DPP10: variants seen among roughly 807,000 people sequenced by gnomAD.
The protein encoded by DPP10 is dipeptidyl peptidase like 10.
Under a neutral mutation model 120.9 loss-of-function variants are expected in DPP10, and 33 were observed. That is an observed-to-expected ratio of 0.27 (90% CI 0.21 to 0.37). DPP10 has a LOEUF of 0.37. DPP10 is among the 10% of genes least tolerant of loss of function. The probability of loss-of-function intolerance (pLI) is 1.00; values close to 1 mark genes in which losing one functional copy is unlikely to be tolerated. For synonymous variants in DPP10, 337 were observed against 326.1 expected, an observed-to-expected ratio of 1.03 and a Z score of -0.36; for missense variants, 816 against 942.8, an observed-to-expected ratio of 0.87 and a Z score of 1.76.
chr2:114,532,296 T>TATAC lies in DPP10; in HGVS notation c.60+89459_60+89460insTACA, dbSNP rs1342125338. On this transcript the variant is annotated intron_variant, in intron 1 of 25. Transcript: ENST00000410059. ...ATATATATATATATATATATATATA[T>TATAC]ACACACACACACACACACACAGATA... is the stretch of plus-strand genomic sequence containing the variant. Among the ~76,000 whole-genome samples the TATAC allele has an allele frequency of 1.5e-3, 110 of 74,640 alleles. 1 individual carries two copies. Among genetic ancestry groups the TATAC allele is most frequent in the African/African-American group, 4.9e-3 (74 of 15,134 alleles). 49.0% of individuals were successfully genotyped at this position (74,640 alleles called of 152,430 possible).
In DPP10 at chr2:114,855,115, G is replaced by T. The variant is rs181590664; in HGVS notation, c.60+412277G>T. 8.1e-4 allele frequency among the ~76,000 whole-genome samples: 124 copies of T among 152,204 alleles called. No homozygotes were observed. In the East Asian group the frequency reaches 0.017, roughly 21 times the overall value. ...ATTTGGGTTCAAAAGAGGGAATGGT[G>T]GGGAGAAAAAGGGAAGGGAAGGAAA... is the stretch of plus-strand genomic sequence containing the variant. On this transcript the variant is annotated intron_variant, in intron 1 of 25. Coordinates refer to ENST00000410059, the MANE Select transcript of DPP10 (RefSeq NM_020868.6).
chr2:115,365,647 T>C (rs990738907), intron 3 of DPP10, among the ~76,000 whole-genome samples: 1 of 152,082 alleles, frequency 6.6e-6, no homozygotes, highest in Non-Finnish European at 1.5e-5. Context: ...CAGAAAGCGT[T>C]TTAGAGAGTC....
chr2:115,547,915 T>A (rs931908207), intron 5 of DPP10, among the ~76,000 whole-genome samples: 2 of 152,164 alleles, frequency 1.3e-5, no homozygotes, highest in African/African-American at 4.8e-5. Context: ...TCAAAATCGA[T>A]TTTGTTTGTG....
intron 8 of DPP10, among the ~76,000 whole-genome samples, chr2:115,734,767 A>G (rs948122884): frequency 6.6e-6 from 1 of 151,372 alleles, no homozygotes; most frequent in Admixed American, 6.6e-5. Flanking sequence ...TGAATGTGTC[A>G]TGTGTATAAC....
chr2:114,609,853 A>T (rs1380654317), intron 1 of DPP10, among the ~76,000 whole-genome samples: 2 of 152,180 alleles, frequency 1.3e-5, no homozygotes, highest in Non-Finnish European at 2.9e-5. Flanking sequence ...ACCAGAGGAC[A>T]GTGGGAACTA....
chr2:114,529,956 C>G lies in DPP10; in HGVS notation c.60+87118C>G, dbSNP rs116471486. Among the ~76,000 whole-genome samples, 565 of 152,186 alleles carry G rather than the reference C, an allele frequency of 3.7e-3. 6 individuals are homozygous for G. The highest frequency in any genetic ancestry group is 6.4e-3 in the Non-Finnish European group (432 of 67,980). On this transcript the variant is annotated intron_variant, in intron 1 of 25. Transcript: ENST00000410059. ...AACATGTGGTATTTGGTTTTCTGTT[C>G]CTTTAATTTGCTAAGGATGATGGCC...
intron 1 of DPP10, among the ~76,000 whole-genome samples, chr2:114,714,137 G>C (rs1467608305): frequency 1.3e-5 from 2 of 151,962 alleles, no homozygotes; most frequent in East Asian, 1.9e-4. Flanking sequence ...GAGTGTGTCT[G>C]TGTGTGTTGG....
intron 1 of DPP10, among the ~76,000 whole-genome samples, chr2:114,632,531 G>A (rs1695008144): frequency 1.9e-5 from 1 of 52,116 alleles, no homozygotes; most frequent in Non-Finnish European, 3.4e-5. Flanking sequence ...TTTTTTTTTG[G>A]AGAAGGAGTC....
intron 5 of DPP10, among the ~76,000 whole-genome samples, chr2:115,638,177 A>T (rs2086506714): frequency 6.6e-6 from 1 of 152,136 alleles, no homozygotes; most frequent in Non-Finnish European, 1.5e-5. Context: ...ATATCATGGG[A>T]CTTTGAAATC....
At chr2:115,423,988 A>T (rs996569477) in intron 3 of DPP10, among the ~76,000 whole-genome samples, 1 of 152,138 alleles carries the variant, frequency 6.6e-6, no homozygotes, top group Non-Finnish European at 1.5e-5. Flanking sequence ...TCCAGGGAAG[A>T]TTGTCTTCAG....
chr2:114,693,587 T>C (rs1699896831), intron 1 of DPP10, among the ~76,000 whole-genome samples: 1 of 151,962 alleles, frequency 6.6e-6, no homozygotes, highest in African/African-American at 2.4e-5. Flanking sequence ...AGTATCCTAC[T>C]GGAGTTCTCT....
chr2:115,284,222 G>A (rs1376468843), intron 1 of DPP10, among the ~76,000 whole-genome samples: 1 of 151,952 alleles, frequency 6.6e-6, no homozygotes, highest in Non-Finnish European at 1.5e-5. Flanking sequence ...AATCTTGCCT[G>A]TTAGTGATAT....
At chr2:114,532,802 A>T (rs563581316) in intron 1 of DPP10, among the ~76,000 whole-genome samples, 103 of 152,260 alleles carry the variant, frequency 6.8e-4, no homozygotes, top group Middle Eastern at 3.4e-3. Flanking sequence ...GTTTACATGG[A>T]TGAGTCTCCT....
At chr2:114,860,983 A>G (rs1689765836) in intron 1 of DPP10, among the ~76,000 whole-genome samples, 1 of 152,196 alleles carries the variant, frequency 6.6e-6, no homozygotes, top group Non-Finnish European at 1.5e-5. Context: ...ATGTGACTCT[A>G]TATTTTTACA....
At chr2:115,036,541 T>G (rs1704237533) in intron 1 of DPP10, among the ~76,000 whole-genome samples, 1 of 152,182 alleles carries the variant, frequency 6.6e-6, no homozygotes, top group Admixed American at 6.5e-5. Context: ...ATCGCACCAT[T>G]GTAAAGGGAT....
At chr2:114,676,020 A>G (rs866522909) in intron 1 of DPP10, among the ~76,000 whole-genome samples, 1 of 151,996 alleles carries the variant, frequency 6.6e-6, no homozygotes, top group Non-Finnish European at 1.5e-5. Context: ...GGCTGGTCTC[A>G]AACTCCTGAC....
intron 5 of DPP10, among the ~76,000 whole-genome samples, chr2:115,652,183 T>C (rs2087845186): frequency 6.6e-6 from 1 of 152,046 alleles, no homozygotes; most frequent in African/African-American, 2.4e-5. Context: ...TTTATAGAAA[T>C]CAATTCATTT....
chr2:115,333,134 T>G (rs1440472995), intron 2 of DPP10, among the ~76,000 whole-genome samples: 1 of 152,134 alleles, frequency 6.6e-6, no homozygotes, highest in Admixed American at 6.6e-5. Flanking sequence ...ATATTTAGGA[T>G]TGTTAGCTTT....
chr2:115,034,770 A>T (rs1159050504), intron 1 of DPP10, among the ~76,000 whole-genome samples: 1 of 152,238 alleles, frequency 6.6e-6, no homozygotes, highest in African/African-American at 2.4e-5. Context: ...AACTCCCGTC[A>T]TGACAATTCA....
Sources: allele counts gnomAD v4.1 joint callset (sites outside exome capture counted in the v4.1 genomes callset), GRCh38; gene constraint gnomAD v4.1.1; transcripts MANE v1.5; gene names NCBI Gene and HGNC (gene_info 2026-07-23, HGNC 2026-07-21).